The following INHBC variants were observed in gnomAD, a reference collection of about 807,000 sequenced individuals.
INHBC encodes the protein inhibin subunit beta C.
Under a neutral mutation model 12.4 loss-of-function variants are expected in INHBC, and 10 were observed. The ratio of observed to expected loss-of-function variants is 0.81; its 90% CI spans 0.50 to 1.37. The LOEUF is 1.37. Ranked by LOEUF, INHBC falls within the 40% of genes most tolerant of loss-of-function variation. The probability of loss-of-function intolerance (pLI) is 0.00; values close to 1 mark genes in which losing one functional copy is unlikely to be tolerated. For synonymous variants in INHBC, 147 were observed against 171.6 expected, an observed-to-expected ratio of 0.86 and a Z score of 1.12; for missense variants, 382 against 439.4, an observed-to-expected ratio of 0.87 and a Z score of 1.17.
Position 57,449,348 on chromosome 12 carries a change from G to T in INHBC, c.385G>T (p.Val129Phe). 1 of 1,614,160 alleles carries T rather than the reference G, an allele frequency of 6.2e-7. No homozygotes were observed. The highest frequency in any genetic ancestry group is 1.1e-5 in the South Asian group (1 of 91,080). Residue 129 changes from valine to phenylalanine, a missense_variant, in exon 2 of 2, where the codon GTC becomes TTC. Coordinates refer to ENST00000309668, the MANE Select transcript of INHBC (RefSeq NM_005538.4). Reference protein sequence around the residue: ...SSDRTAGDREVQQASLMFFVQ... With the variant: ...SSDRTAGDREFQQASLMFFVQ... ...TGATAGAACTGCTGGTGACAGGGAG[G>T]TCCAGCAGGCCAGTCTCATGTTCTT...
Position 57,450,225 on chromosome 12 carries a change from A to C in INHBC, c.*203A>C. 4.1e-6 allele frequency: 2 copies of C among 484,316 alleles called. No homozygotes were observed. The highest frequency in any genetic ancestry group is 1.0e-4 in the South Asian group (2 of 19,054). 30.0% of individuals were successfully genotyped at this position (484,316 alleles called of 1,614,324 possible). A position where few individuals can be genotyped will look rare whatever the true frequency, so the allele number is the denominator to read the frequency against. ...TCACTGTGCCATCTTCCTGACCACT[A>C]CCCTCTTTCCTAGGGCATAGTCCAT... On this transcript the variant is annotated 3_prime_UTR_variant, in exon 2 of 2. Transcript: ENST00000309668.
rs539482602 is a variant in INHBC, at chr12:57,445,716, C to T, written c.314-3561C>T. ...CCAGTCTGGGTAACATAGTGAGACC[C>T]CCCGCCCATCTCCATGTAAATTTTT... On this transcript the variant is annotated intron_variant, in intron 1 of 1. Transcript: ENST00000309668. Among the ~76,000 whole-genome samples, 32 of 144,588 alleles carry T rather than the reference C, an allele frequency of 2.2e-4. 1 individual carries two copies. The highest frequency in any genetic ancestry group is 3.3e-4 in the African/African-American group (13 of 39,400). The allele number at this position is 144,588 out of a possible 152,430, so 94.9% of individuals were successfully genotyped here. A position where few individuals can be genotyped will look rare whatever the true frequency, so the allele number is the denominator to read the frequency against.
Position 57,450,281 on chromosome 12 carries a change from A to G in INHBC, c.*259A>G, listed in dbSNP as rs1481752230. The stretch of plus-strand genomic sequence containing the variant: ...TAGTCCATCCCGCTAGCCCCACTCC[A>G]GGGACTCAGACCCATCTCCAACCAT... On this transcript the variant is annotated 3_prime_UTR_variant, in exon 2 of 2. Transcript: ENST00000309668. 2 of 339,878 alleles carry G rather than the reference A, an allele frequency of 5.9e-6. No individual in the cohort carries two copies. Among genetic ancestry groups the G allele is most frequent in the Non-Finnish European group, 1.1e-5 (2 of 187,880 alleles). 21.1% of individuals were successfully genotyped at this position (339,878 alleles called of 1,614,324 possible).
intron 1 of INHBC, among the ~76,000 whole-genome samples, chr12:57,436,047 G>A (rs1055237342): frequency 8.6e-5 from 13 of 151,916 alleles, no homozygotes; most frequent in African/African-American, 2.9e-4. Flanking sequence ...GGGTTTCACC[G>A]TGTTGGCCAA....
chr12:57,439,841 T>C (rs1328757893), intron 1 of INHBC, among the ~76,000 whole-genome samples: 1 of 152,216 alleles, frequency 6.6e-6, no homozygotes, highest in Non-Finnish European at 1.5e-5. Context: ...AGCGTTTTTT[T>C]GGTTTGTGTT....
chr12:57,435,223 T>G, intron 1 of INHBC, 24 bp downstream of exon 1: 2 of 1,583,298 alleles, frequency 1.3e-6, no homozygotes. Context: ...CTGTAGCTCT[T>G]CCCCAGAACT....
chr12:57,436,515 C>T (rs1421611365), intron 1 of INHBC, among the ~76,000 whole-genome samples: 9 of 145,444 alleles, frequency 6.2e-5, no homozygotes, highest in Non-Finnish European at 1.1e-4. Context: ...TCATCTGTCA[C>T]CCAGGCTGGA....
intron 1 of INHBC, among the ~76,000 whole-genome samples, chr12:57,445,027 G>T (rs1465675145): frequency 1.3e-5 from 2 of 152,132 alleles, no homozygotes; most frequent in Non-Finnish European, 2.9e-5. Context: ...AAGCCTCTCT[G>T]AGGAGGAGAC....
At chr12:57,440,332 C>CCTTTTTTT (rs1870435968) in intron 1 of INHBC, among the ~76,000 whole-genome samples, 1 of 117,446 alleles carries the variant, frequency 8.5e-6, no homozygotes. Flanking sequence ...TGAACAGTGC[C>CCTTTTTTT]TTTTTTTTTT....
chr12:57,451,924 C>A lies in INHBC; in HGVS notation c.*1902C>A. On this transcript the variant is annotated 3_prime_UTR_variant, in exon 2 of 2. Transcript: ENST00000309668. ...AAAGTGAGTCATTCACCTGGGGGGGCTAAATTTTAAGGGGGTGGTGAACAA... is the reference window on the plus strand; with the variant it reads ...AAAGTGAGTCATTCACCTGGGGGGGATAAATTTTAAGGGGGTGGTGAACAA... The A allele has an allele frequency of 2.3e-6, 1 of 432,192 alleles. No homozygotes were observed. The highest frequency in any genetic ancestry group is 4.6e-6 in the Non-Finnish European group (1 of 218,818). 26.8% of individuals were successfully genotyped at this position (432,192 alleles called of 1,614,324 possible). A position where few individuals can be genotyped will look rare whatever the true frequency, so the allele number is the denominator to read the frequency against.
intron 1 of INHBC, among the ~76,000 whole-genome samples, chr12:57,441,136 C>T (rs896612174): frequency 1.3e-5 from 2 of 151,838 alleles, no homozygotes; most frequent in Admixed American, 6.6e-5. Flanking sequence ...GGTGGATCAC[C>T]TGAGGTCAGG....
intron 1 of INHBC, among the ~76,000 whole-genome samples, chr12:57,437,806 G>GTTTGTT (rs1870379085): frequency 1.2e-5 from 1 of 81,028 alleles, no homozygotes; most frequent in Non-Finnish European, 3.3e-5. Context: ...GTTTGTTTGA[G>GTTTGTT]ATGGAGTCTC....
chr12:57,439,255 G>A (rs1460552059), intron 1 of INHBC, among the ~76,000 whole-genome samples: 1 of 152,162 alleles, frequency 6.6e-6, no homozygotes, highest in Non-Finnish European at 1.5e-5. Context: ...ATGGGGTATG[G>A]GAGAATAGGA....
intron 1 of INHBC, among the ~76,000 whole-genome samples, chr12:57,444,937 C>T (rs1222133602): frequency 1.3e-5 from 2 of 152,186 alleles, no homozygotes; most frequent in African/African-American, 2.4e-5. Context: ...CCACCTTGAC[C>T]TCCCATAGTG....
intron 1 of INHBC, among the ~76,000 whole-genome samples, chr12:57,439,231 T>C (rs1364214886): frequency 6.6e-6 from 1 of 152,214 alleles, no homozygotes; most frequent in Non-Finnish European, 1.5e-5. Flanking sequence ...ACATAATAGA[T>C]ATTCCTGTTC....
At chr12:57,444,978 G>A (rs755934124) in intron 1 of INHBC, among the ~76,000 whole-genome samples, 6 of 152,170 alleles carry the variant, frequency 3.9e-5, no homozygotes, top group Non-Finnish European at 8.8e-5. Context: ...CACCACGCCT[G>A]GCTGAAGCCT....
At chr12:57,435,237 C>G (rs1197904477) in intron 1 of INHBC, 38 bp downstream of exon 1, 1 of 1,559,340 alleles carries the variant, frequency 6.4e-7, no homozygotes, top group Non-Finnish European at 8.7e-7. Flanking sequence ...CAGAACTTGA[C>G]CCCTCAAGGA....
chr12:57,439,422 C>T (rs1870411431), intron 1 of INHBC, among the ~76,000 whole-genome samples: 1 of 152,178 alleles, frequency 6.6e-6, no homozygotes, highest in South Asian at 2.1e-4. Flanking sequence ...CTTCCAAATC[C>T]ACCCTCTCAG....
At chr12:57,449,236 A>G in intron 1 of INHBC, 41 bp from the exon 2 acceptor site, 1 of 1,567,166 alleles carries the variant, frequency 6.4e-7, no homozygotes, top group African/African-American at 1.4e-5. Flanking sequence ...TAGAACTGAC[A>G]GTCAGAAGGC....
Sources: gnomAD v4.1 joint callset for allele counts (sites outside exome capture counted in the v4.1 genomes callset) on GRCh38, gnomAD v4.1.1 for gene constraint, MANE v1.5 for transcripts, NCBI Gene and HGNC (gene_info 2026-07-23, HGNC 2026-07-21) for gene names.